The following COL27A1 variants were observed in gnomAD, a reference collection of about 807,000 sequenced individuals.
COL27A1 encodes the protein collagen alpha-1(XXVII) chain.
Under a neutral mutation model 251.3 loss-of-function variants are expected in COL27A1, and 106 were observed. That is an observed-to-expected ratio of 0.42 (90% CI 0.36 to 0.50). The LOEUF (loss-of-function observed/expected upper bound fraction) is 0.50. COL27A1 is among the 20% of genes least tolerant of loss of function. COL27A1 has a pLI of 0.00. For synonymous variants in COL27A1, 1,000 were observed against 986.3 expected, an observed-to-expected ratio of 1.01 and a Z score of -0.26; for missense variants, 2,325 against 2,522.8, an observed-to-expected ratio of 0.92 and a Z score of 1.68.
At chr9:114,187,886 T>G (rs1049853157) in intron 5 of COL27A1, among the ~76,000 whole-genome samples, 3 of 152,228 alleles carry the variant, frequency 2.0e-5, no homozygotes, top group Non-Finnish European at 4.4e-5. Context: ...TTAGAATATC[T>G]CCAATTATTT....
intron 5 of COL27A1, among the ~76,000 whole-genome samples, chr9:114,186,112 G>A (rs114112499): frequency 1.8e-3 from 278 of 152,364 alleles, no homozygotes; most frequent in African/African-American, 6.5e-3. Context: ...GGGTGTCACA[G>A]CTGGCACAGG....
Position 114,310,602 on chromosome 9 carries a change from C to T in COL27A1, c.5490C>T (p.Pro1830=). 1 of 1,614,210 alleles carries T rather than the reference C, an allele frequency of 6.2e-7. No individual in the cohort carries two copies. Residue 1830 remains proline (P), a synonymous_variant, in exon 61 of 61, where the codon CCC becomes CCT. Transcript: ENST00000356083. The part of the protein sequence containing the change: ...QTLFTFRTQD[P]QQLPIISVDN... ...TCTTCACCTTCCGGACCCAAGACCC[C>T]CAACAGCTGCCCATCATCAGTGTGG...
chr9:114,235,079 CAAAA>C (rs34337576), intron 16 of COL27A1, among the ~76,000 whole-genome samples: 1 of 88,266 alleles, frequency 1.1e-5, no homozygotes. Flanking sequence ...GACTCCATCT[CAAAA>C]AAAAAAAAAA....
Position 114,283,714 on chromosome 9 carries a change from T to A in COL27A1, c.3885T>A (p.Ala1295=), listed in dbSNP as rs774308816. 4 of 1,614,048 alleles carry A rather than the reference T, an allele frequency of 2.5e-6. No homozygotes were observed. Among genetic ancestry groups the A allele is most frequent in the Non-Finnish European group, 3.4e-6 (4 of 1,179,976 alleles). The part of the protein sequence containing the change: ...GSRGSLGPTG[A]PGRMGAQGEP... Reference sequence around the variant, plus strand: ...AGGGTCTCCTCCTCTTGTAGGGTGCTCCGGGACGCATGGGGGCCCAAGGAG... The same window carrying A: ...AGGGTCTCCTCCTCTTGTAGGGTGCACCGGGACGCATGGGGGCCCAAGGAG... The change falls in exon 40 of 61, where the codon GCT becomes GCA. Residue 1295 remains alanine, a synonymous_variant. Coordinates refer to ENST00000356083, the MANE Select transcript of COL27A1 (RefSeq NM_032888.4).
At chr9:114,299,577 G>A (rs920310186) in intron 49 of COL27A1, among the ~76,000 whole-genome samples, 5 of 152,210 alleles carry the variant, frequency 3.3e-5, no homozygotes, top group African/African-American at 1.2e-4. Flanking sequence ...TGCCCTCTCT[G>A]AGCCTGTTTC....
chr9:114,273,031 G>A (rs1835247275), intron 36 of COL27A1: 1 of 152,130 alleles, frequency 6.6e-6, no homozygotes, highest in African/African-American at 2.4e-5. Flanking sequence ...GAGGATTTGG[G>A]GCATCTCTAG....
Position 114,168,762 on chromosome 9 carries a change from A to G in COL27A1, c.1207A>G (p.Thr403Ala), listed in dbSNP as rs1588569142. 1 of 1,613,484 alleles carries G rather than the reference A, an allele frequency of 6.2e-7. No homozygotes were observed. Among genetic ancestry groups the G allele is most frequent in the South Asian group, 1.1e-5 (1 of 91,052 alleles). ...PSSFTKSALP[T>A]QKQVPPTSRP... The stretch of plus-strand genomic sequence containing the variant: ...TTCATTTACAAAGTCAGCCCTACCC[A>G]CTCAGAAGCAAGTGCCACCTACTTC... Residue 403 changes from threonine (T) to alanine (A), a missense_variant, in exon 3 of 61, where the codon ACT becomes GCT. Transcript: ENST00000356083.
At chr9:114,282,363 GTCCCTCCCCCGCA>G (rs758242331) in intron 38 of COL27A1, 33 bp downstream of exon 38, 91 of 1,613,122 alleles carry the variant, frequency 5.6e-5, no homozygotes, top group Non-Finnish European at 6.9e-5. Flanking sequence ...ATAGGCCTGC[GTCCCTCCCCCGCA>G]TCCCTTCCCC....
intron 5 of COL27A1, among the ~76,000 whole-genome samples, chr9:114,186,951 G>A (rs1360960457): frequency 2.6e-5 from 4 of 152,190 alleles, no homozygotes; most frequent in Non-Finnish European, 4.4e-5. Context: ...AGTGCTCCCC[G>A]CCAGTGCTCC....
chr9:114,224,759 C>A (rs1325985356), intron 14 of COL27A1, among the ~76,000 whole-genome samples: 1 of 144,988 alleles, frequency 6.9e-6, no homozygotes, highest in Non-Finnish European at 1.5e-5. Flanking sequence ...CTCAAGTGAT[C>A]CTCCCACCTC....
Position 114,190,811 on chromosome 9 carries a change from C to G in COL27A1, c.2017-3593C>G, listed in dbSNP as rs536612594. Among the ~76,000 whole-genome samples, 100 of 152,352 alleles carry G rather than the reference C, an allele frequency of 6.6e-4. 1 individual carries two copies. The South Asian group carries it at 9.9e-3, about 15-fold the overall frequency. On this transcript the variant is annotated intron_variant, in intron 5 of 60. Coordinates refer to ENST00000356083, the MANE Select transcript of COL27A1 (RefSeq NM_032888.4). ...ATACAGAGAGGGAAAGTGGCTTGCT[C>G]AAGGTCACACAGGCTCTGTCGTGGT...
intron 7 of COL27A1, among the ~76,000 whole-genome samples, 185 bp downstream of exon 7, chr9:114,196,197 C>T (rs563843452): frequency 6.6e-6 from 1 of 152,334 alleles, no homozygotes; most frequent in South Asian, 2.1e-4. Flanking sequence ...GCAGGGAATA[C>T]CTCGGCTCGT....
At chr9:114,156,092 C>G in intron 1 of COL27A1, 80 bp downstream of exon 1, 1 of 1,287,292 alleles carries the variant, frequency 7.8e-7, no homozygotes, top group Non-Finnish European at 9.9e-7. Context: ...CCCCGCCATG[C>G]GGTCGCTTCC....
At position 114,168,790 on chromosome 9, in the gene COL27A1, G is replaced by A. The variant is rs148184700; in HGVS notation, c.1235G>A (p.Arg412His). The change falls in exon 3 of 61, where the codon CGT (arginine) becomes CAT (histidine). Residue 412 changes from arginine to histidine, a missense_variant. This residue lies in a region of COL27A1 where 1,183 missense variants were observed against 1,144.1 expected (regional missense o/e 1.03). Transcript: ENST00000356083. ...PTQKQVPPTS[R>H]PVPARVSRPA... ...CAGAAGCAAGTGCCACCTACTTCCC[G>A]TCCAGTTCCTGCCAGAGTCTCCCGT... 2.4e-5 allele frequency: 38 copies of A among 1,613,668 alleles called. No homozygotes were observed. Among genetic ancestry groups the A allele is most frequent in the African/African-American group, 5.3e-5 (4 of 74,840 alleles).
At chr9:114,257,855 G>T (rs550796779) in intron 27 of COL27A1, among the ~76,000 whole-genome samples, 26 of 152,232 alleles carry the variant, frequency 1.7e-4, no homozygotes. Context: ...TCTCCTTTCT[G>T]GTGGGGGAGA....
Position 114,252,924 on chromosome 9 carries a change from G to C in COL27A1, c.3133G>C (p.Gly1045Arg). The C allele has an allele frequency of 6.2e-7, 1 of 1,613,190 alleles. No individual in the cohort carries two copies. The highest frequency in any genetic ancestry group is 1.3e-5 in the African/African-American group (1 of 75,042). The change falls in exon 27 of 61, where the codon GGA (glycine) becomes CGA (arginine). Residue 1045 changes from glycine (G) to arginine (R), a missense_variant. Gly to Arg is a moderately radical substitution (Grantham distance 125). Around this residue, in one of 4 missense-constraint regions of COL27A1, gnomAD observed 662 missense variants for 795.3 expected, o/e 0.83. Transcript: ENST00000356083. ...PGGMGTPGEP[G>R]PQGPPGSRGP... is the part of the protein sequence containing the mutation. ...TGGTATGGGGACCCCTGGAGAGCCT[G>C]GACCCCAGGTAAGCAAAGCCCTCGT... is the stretch of plus-strand genomic sequence containing the variant.
intron 36 of COL27A1, chr9:114,270,985 G>T: frequency 1.8e-6 from 1 of 557,438 alleles, no homozygotes; most frequent in Non-Finnish European, 3.1e-6. Context: ...CTGCTCAGGT[G>T]GGACCAGGGC....
intron 4 of COL27A1, among the ~76,000 whole-genome samples, chr9:114,179,985 C>A (rs1224076237): frequency 1.3e-5 from 2 of 151,976 alleles, no homozygotes; most frequent in African/African-American, 4.8e-5. Flanking sequence ...ATTACAAGCA[C>A]ACGCCCCCGG....
chr9:114,167,047 T>C (rs737142), intron 2 of COL27A1, among the ~76,000 whole-genome samples: 49,225 of 151,980 alleles, frequency 0.32, 8,329 homozygotes, highest in Admixed American at 0.43. Context: ...CCTGAGGAGA[T>C]GGTGAAACCT....
Sources: allele counts gnomAD v4.1 joint callset (sites outside exome capture counted in the v4.1 genomes callset), GRCh38; gene constraint gnomAD v4.1.1; regional missense constraint gnomAD v4.1.1; transcripts MANE v1.5; gene names NCBI Gene and HGNC (gene_info 2026-07-23, HGNC 2026-07-21).